Variants in RYK observed in about 807,000 individuals in gnomAD.
RYK encodes the protein inactive tyrosine-protein kinase RYK.
A neutral mutation model predicts 70.2 loss-of-function variants in RYK; 21 were observed. The ratio of observed to expected loss-of-function variants is 0.30; its 90% confidence interval spans 0.21 to 0.43. The LOEUF is 0.43. Among genes scored for constraint, RYK ranks in the 20% least tolerant of loss-of-function variants. The pLI, the probability that RYK is intolerant of heterozygous loss-of-function variation, is 1.00. For missense variants in RYK, 604 were observed against 753.3 expected (o/e 0.80, Z 2.32); for synonymous variants, 267 against 278.0 (o/e 0.96, Z 0.39).
chr3:134,166,772 C>T (rs997460895), intron 13 of RYK, among the ~76,000 whole-genome samples: 1 of 152,138 alleles, frequency 6.6e-6, no homozygotes, highest in Non-Finnish European at 1.5e-5. Context: ...GGAGAGCCAA[C>T]GACAGAAAAC....
At chr3:134,201,509 A>G (rs917756648) in intron 6 of RYK, among the ~76,000 whole-genome samples, 13 of 152,186 alleles carry the variant, frequency 8.5e-5, no homozygotes, top group African/African-American at 3.1e-4. Flanking sequence ...GAAAAAGTGC[A>G]ATAACTGCTA....
intron 1 of RYK, among the ~76,000 whole-genome samples, chr3:134,242,272 T>C (rs977967468): frequency 6.8e-6 from 1 of 146,574 alleles, no homozygotes; most frequent in Non-Finnish European, 1.5e-5. Context: ...GCCATTACAC[T>C]CCAGCCTGGG....
chr3:134,183,613 T>C (rs1197151866), intron 9 of RYK, among the ~76,000 whole-genome samples: 1 of 152,310 alleles, frequency 6.6e-6, no homozygotes, highest in Non-Finnish European at 1.5e-5. Context: ...GGTTCATCAA[T>C]AGTAGCTTGG....
intron 1 of RYK, among the ~76,000 whole-genome samples, chr3:134,244,600 G>A (rs141264231): frequency 5.3e-5 from 8 of 152,212 alleles, no homozygotes; most frequent in East Asian, 1.9e-4. Context: ...AAATGCAAGC[G>A]ATGAACCAGG....
intron 9 of RYK, among the ~76,000 whole-genome samples, chr3:134,187,266 C>CAA (rs2013494970): frequency 3.3e-5 from 5 of 152,236 alleles, no homozygotes; most frequent in African/African-American, 1.2e-4. Flanking sequence ...CTTTTTACAA[C>CAA]CAATAAACAT....
rs189407761 is a variant in RYK, at chr3:134,229,661, G to A, written c.233-7122C>T. 4.7e-3 allele frequency among the ~76,000 whole-genome samples: 713 copies of A among 151,902 alleles called. 8 individuals are homozygous for A. Among genetic ancestry groups the A allele is most frequent in the Non-Finnish European group, 3.8e-3 (256 of 67,968 alleles). Reference sequence around the variant, plus strand: ...TAAGAAAGAACTTAGCTGGGGGAAGGGAGAGATGTTGGTTAATTTTTTTTA... The same window carrying A: ...TAAGAAAGAACTTAGCTGGGGGAAGAGAGAGATGTTGGTTAATTTTTTTTA... On this transcript the variant is annotated intron_variant, in intron 1 of 14. Transcript: ENST00000623711.
At chr3:134,214,119 T>C (rs2107680995) in intron 2 of RYK, among the ~76,000 whole-genome samples, 1 of 152,240 alleles carries the variant, frequency 6.6e-6, no homozygotes, top group Middle Eastern at 3.4e-3. Flanking sequence ...AGCTCACAGC[T>C]TCTACTCATA....
At position 134,208,146 on chromosome 3, in the gene RYK, G is replaced by A. The variant is rs573826363; in HGVS notation, c.590-621C>T. ...AATTACTCCAACACAGAATTTTAAT[G>A]TTAATTTCACACACATATTAAAGAA... On this transcript the variant is annotated intron_variant, in intron 4 of 14. Coordinates refer to ENST00000623711, the MANE Select transcript of RYK (RefSeq NM_002958.4). Among the ~76,000 whole-genome samples the A allele has an allele frequency of 5.3e-5, 8 of 152,302 alleles. No homozygotes were observed. In the South Asian group the frequency reaches 1.7e-3, roughly 32 times the overall value.
intron 6 of RYK, among the ~76,000 whole-genome samples, chr3:134,200,183 G>A (rs1487734773): frequency 2.0e-5 from 3 of 151,956 alleles, no homozygotes; most frequent in African/African-American, 7.3e-5. Flanking sequence ...TTGTTCTTTC[G>A]CTCTTCACAA....
chr3:134,191,059 C>A (rs1485469469), intron 8 of RYK, among the ~76,000 whole-genome samples: 1 of 152,156 alleles, frequency 6.6e-6, no homozygotes, highest in East Asian at 1.9e-4. Flanking sequence ...TCCCAACCAG[C>A]AAAGGAATAC....
At chr3:134,171,255 T>C (rs139775331) in intron 13 of RYK, among the ~76,000 whole-genome samples, 39 of 152,344 alleles carry the variant, frequency 2.6e-4, no homozygotes, top group African/African-American at 9.4e-4. Flanking sequence ...ACATAAAATG[T>C]GTGAACTCCT....
intron 9 of RYK, 80 bp downstream of exon 9, chr3:134,188,757 A>C: frequency 1.2e-6 from 1 of 821,696 alleles, no homozygotes; most frequent in Non-Finnish European, 2.0e-6. Context: ...ACACATTGGG[A>C]AACTGAGACA....
rs1228038263 is a variant in RYK at position 134,249,790 on chromosome 3, G to A, written c.232+633C>T. The stretch of plus-strand genomic sequence containing the variant: ...AAAGGTATTGAAACTAAAAAGGTCT[G>A]CTACCTGGCGATTCATTCACTAAAA... On this transcript the variant is annotated intron_variant, in intron 1 of 14. Coordinates refer to ENST00000623711, the MANE Select transcript of RYK (RefSeq NM_002958.4). Among the ~76,000 whole-genome samples, 3 of 152,172 alleles carry A rather than the reference G, an allele frequency of 2.0e-5. No homozygotes were observed. The South Asian group carries it at 6.2e-4, about 32-fold the overall frequency.
chr3:134,210,871 G>C (rs894183096), intron 3 of RYK, among the ~76,000 whole-genome samples: 1 of 152,204 alleles, frequency 6.6e-6, no homozygotes, highest in African/African-American at 2.4e-5. Context: ...AGAAGAGAAG[G>C]TGGCAGAAAA....
At chr3:134,218,671 G>T (rs1280948769) in intron 2 of RYK, among the ~76,000 whole-genome samples, 1 of 152,156 alleles carries the variant, frequency 6.6e-6, no homozygotes, top group Non-Finnish European at 1.5e-5. Context: ...GAAAGGCCGA[G>T]ACCAGATCAT....
intron 6 of RYK, among the ~76,000 whole-genome samples, chr3:134,200,535 A>C (rs1038193283): frequency 6.6e-6 from 1 of 152,322 alleles, no homozygotes; most frequent in Admixed American, 6.5e-5. Flanking sequence ...CCAAGAACCC[A>C]CCAGAAGGAA....
intron 6 of RYK, among the ~76,000 whole-genome samples, chr3:134,196,221 C>A (rs563838888): frequency 6.6e-6 from 1 of 152,270 alleles, no homozygotes; most frequent in South Asian, 2.1e-4. Flanking sequence ...GGGTACATTT[C>A]GGTCTCACTG....
intron 1 of RYK, among the ~76,000 whole-genome samples, chr3:134,223,526 C>T (rs1214011730): frequency 6.6e-6 from 1 of 151,508 alleles, no homozygotes; most frequent in Non-Finnish European, 1.5e-5. Flanking sequence ...CTGGTGCCTA[C>T]CAAGAAGGCA....
At chr3:134,230,569 GTA>G (rs2015027791) in intron 1 of RYK, among the ~76,000 whole-genome samples, 1 of 152,208 alleles carries the variant, frequency 6.6e-6, no homozygotes, top group African/African-American at 2.4e-5. Context: ...ACACAAGAGA[GTA>G]TATACTAATA....
Sources: allele counts gnomAD v4.1 joint callset (sites outside exome capture counted in the v4.1 genomes callset), GRCh38; gene constraint gnomAD v4.1.1; transcripts MANE v1.5; gene names NCBI Gene and HGNC (gene_info 2026-07-23, HGNC 2026-07-21).